Variants in TRAPPC3 observed in about 807,000 individuals in gnomAD.
The protein encoded by TRAPPC3 is trafficking protein particle complex 3.
Under a neutral mutation model 18.2 loss-of-function variants are expected in TRAPPC3, and 5 were observed. The ratio of observed to expected loss-of-function variants is 0.28; its 90% confidence interval spans 0.14 to 0.58. The LOEUF (loss-of-function observed/expected upper bound fraction) is 0.58. Among genes scored for constraint, TRAPPC3 ranks in the 20% least tolerant of loss-of-function variants. TRAPPC3 has a pLI of 0.91. For missense variants in TRAPPC3, 176 were observed against 225.9 expected (o/e 0.78, Z 1.41); for synonymous variants, 65 against 84.2 (o/e 0.77, Z 1.25).
intron 3 of TRAPPC3, 26 bp downstream of exon 3, chr1:36,139,694 A>G: frequency 6.2e-7 from 1 of 1,613,762 alleles, no homozygotes; most frequent in Non-Finnish European, 8.5e-7. Flanking sequence ...ATTCTTCAGC[A>G]TGGACAGGTG....
upstream of TRAPPC3, among the ~76,000 whole-genome samples, chr1:36,152,142 C>T (rs2124181131): frequency 6.6e-6 from 1 of 152,246 alleles, no homozygotes; most frequent in African/African-American, 2.4e-5. Context: ...GGCCTCAGTT[C>T]TGAGAGATTT....
rs199942724 is a variant in TRAPPC3 at position 36,146,763 on chromosome 1, C to CT, written c.42+2573_42+2574insA. On this transcript the variant is annotated intron_variant, in intron 1 of 4. Coordinates refer to ENST00000373166, the MANE Select transcript of TRAPPC3 (RefSeq NM_014408.5). The stretch of plus-strand genomic sequence containing the variant: ...TATTTTTCCACTGCTAGAAGATACA[C>CT]AGTATATATGGTATACATTTCTGTC... Among the ~76,000 whole-genome samples, 2,641 of 152,256 alleles carry CT rather than the reference C, an allele frequency of 0.017. 146 individuals are homozygous for CT. In the East Asian group the frequency reaches 0.21, roughly 12 times the overall value.
At position 36,141,872 on chromosome 1, in the gene TRAPPC3, C is replaced by G. The variant is rs184014479; in HGVS notation, c.43-1706G>C. 2.8e-4 allele frequency among the ~76,000 whole-genome samples: 41 copies of G among 144,394 alleles called. 1 individual carries two copies. In the East Asian group the frequency reaches 5.9e-3, roughly 21 times the overall value. The allele number at this position is 144,394 out of a possible 152,430, so 94.7% of individuals were successfully genotyped here. A position where few individuals can be genotyped will look rare whatever the true frequency, so the allele number is the denominator to read the frequency against. On this transcript the variant is annotated intron_variant, in intron 1 of 4. Coordinates refer to ENST00000373166, the MANE Select transcript of TRAPPC3 (RefSeq NM_014408.5). ...ACTCAGGAGGCTAAGGCAGGAGAAT[C>G]GCTAGAACCCGGGAGGAGGAGGTTG...
chr1:36,140,029 A>G, intron 2 of TRAPPC3, 40 bp downstream of exon 2: 2 of 1,531,638 alleles, frequency 1.3e-6, no homozygotes, highest in Non-Finnish European at 1.8e-6. Context: ...GTGTGCTGGG[A>G]GGCCCCATTT....
Position 36,140,089 on chromosome 1 carries a change from C to A in TRAPPC3, c.120G>T (p.Val40=). 6.2e-7 allele frequency: 1 copy of A among 1,601,790 alleles called. No homozygotes were observed. Among genetic ancestry groups the A allele is most frequent in the Non-Finnish European group, 8.5e-7 (1 of 1,176,210 alleles). Residue 40 remains valine (V), a synonymous_variant, in exon 2 of 5, where the codon GTG becomes GTT. Transcript: ENST00000373166. ...LCKDYENDED[V]NKQLDKMGFN... ...CTCACATTTTGTCCAGCTGTTTATT[C>A]ACATCTTCATCATTTTCATAGTCCT... is the stretch of plus-strand genomic sequence containing the variant.
intron 3 of TRAPPC3, chr1:36,139,454 C>T (rs1295884562): frequency 5.1e-6 from 2 of 391,612 alleles, no homozygotes; most frequent in Admixed American, 4.1e-5. Context: ...CCACGCCCGA[C>T]CGAGTCTGTA....
At chr1:36,146,905 C>T (rs968512867) in intron 1 of TRAPPC3, among the ~76,000 whole-genome samples, 1 of 152,168 alleles carries the variant, frequency 6.6e-6, no homozygotes, top group Admixed American at 6.5e-5. Context: ...GTTTATTGGA[C>T]AAAAGGGCTG....
chr1:36,137,522 C>T, intron 4 of TRAPPC3, 200 bp from the exon 5 acceptor site: 1 of 640,808 alleles, frequency 1.6e-6, no homozygotes, highest in Non-Finnish European at 2.6e-6. Flanking sequence ...GCAAAGAATA[C>T]CCAAGAATGA....
upstream of TRAPPC3, among the ~76,000 whole-genome samples, chr1:36,152,028 G>A (rs139713790): frequency 6.6e-6 from 1 of 152,192 alleles, no homozygotes; most frequent in Non-Finnish European, 1.5e-5. Flanking sequence ...AGTGCCTTGA[G>A]GCTGGGGTGG....
At chr1:36,143,654 A>G (rs1275484725) in intron 1 of TRAPPC3, among the ~76,000 whole-genome samples, 1 of 152,168 alleles carries the variant, frequency 6.6e-6, no homozygotes, top group Non-Finnish European at 1.5e-5. Flanking sequence ...CAACACATCT[A>G]TTTTTGTAAC....
At chr1:36,152,836 G>A (rs1644281234), upstream of TRAPPC3, among the ~76,000 whole-genome samples, 2 of 152,014 alleles carry the variant, frequency 1.3e-5, no homozygotes, top group Non-Finnish European at 2.9e-5. Flanking sequence ...ATTTTTGGTG[G>A]AGACAGGGTT....
rs1557766471 is a variant in TRAPPC3, at chr1:36,154,663, ACTT to A, written c.-97+1217_-97+1219del. 2.0e-5 allele frequency among the ~76,000 whole-genome samples: 3 copies of A among 152,212 alleles called. No homozygotes were observed. In the South Asian group the frequency reaches 6.2e-4, roughly 32 times the overall value. ...TCATCAATGCCTTCATCACCATTAT[ACTT>A]GTTTACTGAGCACTTCCTAGATGCC... On this transcript the variant is annotated intron_variant, in intron 1 of 4. Transcript: ENST00000617904.
chr1:36,147,479 CAA>C (rs11355573), intron 1 of TRAPPC3, among the ~76,000 whole-genome samples: 162 of 137,680 alleles, frequency 1.2e-3, no homozygotes, highest in Admixed American at 1.0e-3. Flanking sequence ...CCTAGCTCTA[CAA>C]AAAAAAAAAA....
At chr1:36,151,343 T>G (rs968271084), upstream of TRAPPC3, among the ~76,000 whole-genome samples, 1 of 152,062 alleles carries the variant, frequency 6.6e-6, no homozygotes, top group Non-Finnish European at 1.5e-5. Context: ...GGCAACATAG[T>G]GAGACCCCCA....
intron 1 of TRAPPC3, among the ~76,000 whole-genome samples, chr1:36,155,129 T>C (rs1369024241): frequency 1.3e-5 from 2 of 152,218 alleles, no homozygotes; most frequent in African/African-American, 4.8e-5. Context: ...ACTAGAGAAC[T>C]GACCTTCTAG....
intron 1 of TRAPPC3, among the ~76,000 whole-genome samples, chr1:36,142,910 T>C (rs950541076): frequency 2.0e-5 from 3 of 152,128 alleles, no homozygotes; most frequent in Admixed American, 2.0e-4. Flanking sequence ...TGGATGCCTA[T>C]AGTCCCAGCT....
At chr1:36,154,375 C>A (rs558921631), upstream of TRAPPC3, among the ~76,000 whole-genome samples, 1 of 152,142 alleles carries the variant, frequency 6.6e-6, no homozygotes, top group Non-Finnish European at 1.5e-5. Context: ...TCCATCCCTG[C>A]AGTAATCTCA....
At chr1:36,141,642 CTG>C (rs1644109049) in intron 1 of TRAPPC3, among the ~76,000 whole-genome samples, 1 of 152,172 alleles carries the variant, frequency 6.6e-6, no homozygotes, top group Non-Finnish European at 1.5e-5. Flanking sequence ...GATGAGGAAA[CTG>C]AGACCCAGAA....
intron 4 of TRAPPC3, 86 bp from the exon 5 acceptor site, chr1:36,137,408 C>A: frequency 2.1e-6 from 3 of 1,401,386 alleles, no homozygotes; most frequent in Admixed American, 4.2e-5. Flanking sequence ...CTGACTCATC[C>A]ACAGCATCCA....
Sources: allele counts gnomAD v4.1 joint callset (sites outside exome capture counted in the v4.1 genomes callset), GRCh38; gene constraint gnomAD v4.1.1; transcripts MANE v1.5; gene names NCBI Gene and HGNC (gene_info 2026-07-23, HGNC 2026-07-21).